The following KLRG1 variants were observed in gnomAD, a reference collection of about 807,000 sequenced individuals.
KLRG1 encodes the protein killer cell lectin-like receptor subfamily G member 1.
Under a neutral mutation model 21.8 loss-of-function variants are expected in KLRG1, and 16 were observed. The observed-to-expected ratio is 0.73, with a 90% confidence interval of 0.50 to 1.11. The LOEUF (loss-of-function observed/expected upper bound fraction) is 1.11. KLRG1 is among the 50% of genes most tolerant of loss of function. The probability of loss-of-function intolerance (pLI) is 0.00; values close to 1 mark genes in which losing one functional copy is unlikely to be tolerated. For missense variants in KLRG1, 173 were observed against 218.3 expected (o/e 0.79, Z 1.31); for synonymous variants, 69 against 75.9 (o/e 0.91, Z 0.47).
the KLRG1 span, among the ~76,000 whole-genome samples, chr12:9,142,232 C>G: frequency 6.6e-6 from 1 of 152,088 alleles, no homozygotes. Flanking sequence ...CCTAAGGCCA[C>G]AAAATTAGAA....
the KLRG1 span, chr12:9,027,913 G>T: frequency 1.1e-6 from 1 of 877,704 alleles, no homozygotes; most frequent in Non-Finnish European, 1.9e-6. Context: ...CGACCTCTTT[G>T]GCTAGATGAA....
the KLRG1 span, chr12:9,068,989 C>T: frequency 1.9e-6 from 1 of 535,662 alleles, no homozygotes; most frequent in Non-Finnish European, 3.2e-6. Flanking sequence ...GCAGAAATCT[C>T]TCAGAGGGGA....
chr12:9,177,640 A>G, the KLRG1 span, among the ~76,000 whole-genome samples: 1 of 152,200 alleles, frequency 6.6e-6, no homozygotes, highest in Non-Finnish European at 1.5e-5. Flanking sequence ...ATAAATGAAC[A>G]TGTATTATTT....
chr12:9,109,209 C>G, the KLRG1 span: 1 of 725,768 alleles, frequency 1.4e-6, no homozygotes, highest in South Asian at 1.8e-5. Flanking sequence ...GCTGTCAAAG[C>G]ACTTAAAATT....
At chr12:8,958,087 A>C (rs1363083615) in intron 1 of KLRG1, among the ~76,000 whole-genome samples, 1 of 152,162 alleles carries the variant, frequency 6.6e-6, no homozygotes, top group Non-Finnish European at 1.5e-5. Context: ...TTTTAGAGAC[A>C]GGCTCTTGCT....
chr12:9,152,280 C>T, the KLRG1 span: 5 of 1,613,282 alleles, frequency 3.1e-6, no homozygotes, highest in Admixed American at 8.3e-5. Flanking sequence ...CAACAATCAC[C>T]ATATTGGAAG....
At chr12:9,174,584 T>A in the KLRG1 span, among the ~76,000 whole-genome samples, 9 of 152,306 alleles carry the variant, frequency 5.9e-5, no homozygotes, top group South Asian at 8.3e-4. Context: ...TCCAAAAGAT[T>A]CTTAAGCTGA....
At chr12:9,179,898 C>T in the KLRG1 span, among the ~76,000 whole-genome samples, 1 of 152,196 alleles carries the variant, frequency 6.6e-6, no homozygotes, top group Non-Finnish European at 1.5e-5. Flanking sequence ...ATCAAAGTTG[C>T]AGGCAGATTC....
At chr12:9,160,160 G>T in the KLRG1 span, 2 of 1,123,522 alleles carry the variant, frequency 1.8e-6, no homozygotes, top group Non-Finnish European at 2.6e-6. Flanking sequence ...TGAATGTTAT[G>T]GATAGATCAA....
At chr12:9,042,613 C>T in the KLRG1 span, among the ~76,000 whole-genome samples, 1 of 152,094 alleles carries the variant, frequency 6.6e-6, no homozygotes, top group African/African-American at 2.4e-5. Context: ...AGGGACCTGT[C>T]TTATGATTTA....
At chr12:9,087,209 T>C in the KLRG1 span, among the ~76,000 whole-genome samples, 1 of 148,276 alleles carries the variant, frequency 6.7e-6, no homozygotes, top group African/African-American at 2.5e-5. Context: ...CAAAGCAATC[T>C]ACATATTGAA....
chr12:9,067,048 T>C, the KLRG1 span: 2 of 152,266 alleles, frequency 1.3e-5, no homozygotes, highest in Non-Finnish European at 2.9e-5. Flanking sequence ...CAGACATCAA[T>C]CAGATGTTGT....
chr12:9,140,832 G>T, the KLRG1 span, among the ~76,000 whole-genome samples: 1 of 152,118 alleles, frequency 6.6e-6, no homozygotes, highest in Non-Finnish European at 1.5e-5. Context: ...CCAGTTTCCC[G>T]AGAGTTTTAT....
the KLRG1 span, among the ~76,000 whole-genome samples, chr12:9,088,674 G>A: frequency 6.6e-6 from 1 of 152,112 alleles, no homozygotes; most frequent in South Asian, 2.1e-4. Context: ...AATTTTTCCT[G>A]TAAGTTTCTT....
chr12:9,099,377 A>AC, the KLRG1 span: 2 of 1,553,892 alleles, frequency 1.3e-6, no homozygotes, highest in Non-Finnish European at 1.7e-6. Flanking sequence ...TCTAAAACAC[A>AC]CACCTTGTTG....
chr12:9,038,060 A>T, the KLRG1 span, among the ~76,000 whole-genome samples: 1,547 of 152,272 alleles, frequency 0.01, 26 homozygotes, highest in African/African-American at 0.035. Flanking sequence ...GGAGTTTGAG[A>T]CCAGCCTGGG....
intron 1 of KLRG1, among the ~76,000 whole-genome samples, chr12:8,966,431 C>T (rs1946473593): frequency 6.6e-6 from 1 of 151,804 alleles, no homozygotes; most frequent in Admixed American, 6.6e-5. Context: ...ATTTTCACAA[C>T]CTACTCATCT....
At chr12:9,149,558 TA>T in the KLRG1 span, 4 of 1,612,390 alleles carry the variant, frequency 2.5e-6, no homozygotes, top group Admixed American at 6.7e-5. Context: ...GGTGAACTCT[TA>T]CCTGTGCTGC....
the KLRG1 span, chr12:9,111,414 A>T: frequency 2.4e-6 from 1 of 410,546 alleles, no homozygotes; most frequent in African/African-American, 2.1e-5. Flanking sequence ...GAGTGAAAGT[A>T]GAAGCTGGGA....
Sources: gnomAD v4.1 joint callset for allele counts (sites outside exome capture counted in the v4.1 genomes callset) on GRCh38, gnomAD v4.1.1 for gene constraint, MANE v1.5 for transcripts, NCBI Gene and HGNC (gene_info 2026-07-23, HGNC 2026-07-21) for gene names.